The following RBPJ variants were observed in gnomAD, a reference collection of about 807,000 sequenced individuals.
RBPJ encodes recombining binding protein suppressor of hairless.
Under a neutral mutation model 67.8 loss-of-function variants are expected in RBPJ, and 9 were observed. The ratio of observed to expected loss-of-function variants is 0.13; its 90% CI spans 0.08 to 0.23. The LOEUF (loss-of-function observed/expected upper bound fraction) is 0.23, where lower values mean the gene tolerates loss of function less well. RBPJ is among the 10% of genes least tolerant of loss of function. The pLI is 1.00. For missense variants in RBPJ, 305 were observed against 595.6 expected, an observed-to-expected ratio of 0.51 and a Z score of 5.08; for synonymous variants, 198 against 203.3, an observed-to-expected ratio of 0.97 and a Z score of 0.22.
chr4:26,314,283 G>A (rs1437654087), intron 1 of RBPJ, among the ~76,000 whole-genome samples: 1 of 152,002 alleles, frequency 6.6e-6, no homozygotes, highest in Non-Finnish European at 1.5e-5. Context: ...TTTGTTACCA[G>A]TATTTTTTTT....
chr4:26,371,295 A>C (rs981138718), intron 1 of RBPJ, among the ~76,000 whole-genome samples: 32 of 152,206 alleles, frequency 2.1e-4, no homozygotes, highest in African/African-American at 6.8e-4. Context: ...TTAACAGATG[A>C]CTTGCTATTA....
At chr4:26,200,038 T>C (rs1717926571) in intron 1 of RBPJ, among the ~76,000 whole-genome samples, 1 of 152,110 alleles carries the variant, frequency 6.6e-6, no homozygotes, top group South Asian at 2.1e-4. Context: ...CCACGTTGAG[T>C]TCTGCCAGTT....
chr4:26,106,241 T>C, the RBPJ span, among the ~76,000 whole-genome samples: 2 of 152,228 alleles, frequency 1.3e-5, no homozygotes, highest in Non-Finnish European at 2.9e-5. Flanking sequence ...CAAACAGTAT[T>C]TTCCAGGCTA....
intron 1 of RBPJ, among the ~76,000 whole-genome samples, chr4:26,376,805 ATTG>A (rs1729794012): frequency 6.6e-6 from 1 of 152,050 alleles, no homozygotes; most frequent in Admixed American, 6.5e-5. Context: ...CTTTATTGTT[ATTG>A]TTGTTTTTTG....
At chr4:26,420,810 A>G in intron 5 of RBPJ, 85 bp downstream of exon 5, 1 of 1,083,808 alleles carries the variant, frequency 9.2e-7, no homozygotes, top group Non-Finnish European at 1.3e-6. Context: ...TTGCCTTTTC[A>G]ATAGCCAATT....
intron 1 of RBPJ, among the ~76,000 whole-genome samples, chr4:26,369,673 G>A (rs528226246): frequency 2.5e-4 from 38 of 152,238 alleles, no homozygotes; most frequent in African/African-American, 8.7e-4. Context: ...CATATTTGGG[G>A]CTGACCAGAT....
chr4:26,287,703 AAGAAAG>A (rs1442207967), intron 1 of RBPJ, among the ~76,000 whole-genome samples: 7 of 90,536 alleles, frequency 7.7e-5, no homozygotes, highest in African/African-American at 4.5e-4. Flanking sequence ...GAGGGAAGAA[AAGAAAG>A]AGAAAGAAAG....
chr4:26,157,090 C>CAAAA, the RBPJ span, among the ~76,000 whole-genome samples: 4 of 41,748 alleles, frequency 9.6e-5, no homozygotes, highest in Non-Finnish European at 1.7e-4. Flanking sequence ...AACAAACAAA[C>CAAAA]AAACAAACAA....
At chr4:26,147,926 C>T in the RBPJ span, among the ~76,000 whole-genome samples, 1 of 152,198 alleles carries the variant, frequency 6.6e-6, no homozygotes, top group African/African-American at 2.4e-5. Context: ...CTGACCAGCG[C>T]ATCAACATCT....
chr4:26,234,849 C>A (rs1239724483), intron 1 of RBPJ, among the ~76,000 whole-genome samples: 2 of 152,020 alleles, frequency 1.3e-5, no homozygotes, highest in Admixed American at 6.6e-5. Context: ...CATGCCACCA[C>A]GCCCAGCTAA....
upstream of RBPJ, among the ~76,000 whole-genome samples, chr4:26,159,663 A>C (rs1312819917): frequency 1.3e-5 from 2 of 152,214 alleles, no homozygotes; most frequent in Non-Finnish European, 2.9e-5. Flanking sequence ...ATGAATTTCC[A>C]AGAGGAAGAT....
Position 26,261,547 on chromosome 4 carries a change from T to A in RBPJ, c.-167+97933T>A, listed in dbSNP as rs555296757. ...AGTGGTCAGGCCCCCTTTGGGTTAT[T>A]AAAATTATTCCAAATGAAATCAGTT... On this transcript the variant is annotated intron_variant, in intron 1 of 4. Transcript: ENST00000512351. Among the ~76,000 whole-genome samples the A allele has an allele frequency of 1.6e-4, 24 of 152,328 alleles. No individual in the cohort carries two copies. In the South Asian group the frequency reaches 4.8e-3, roughly 30 times the overall value.
chr4:26,334,430 C>T (rs1376850176), intron 1 of RBPJ, among the ~76,000 whole-genome samples: 1 of 151,840 alleles, frequency 6.6e-6, no homozygotes, highest in Non-Finnish European at 1.5e-5. Flanking sequence ...ATTCTGTATA[C>T]ATCCTGTGTG....
At chr4:26,204,662 G>A (rs145556780) in intron 1 of RBPJ, among the ~76,000 whole-genome samples, 165 of 152,292 alleles carry the variant, frequency 1.1e-3, no homozygotes, top group African/African-American at 3.7e-3. Flanking sequence ...TCAGCAGTGG[G>A]ACACACGAGG....
chr4:26,243,972 G>A (rs985127367), intron 1 of RBPJ, among the ~76,000 whole-genome samples: 1 of 151,846 alleles, frequency 6.6e-6, no homozygotes. Flanking sequence ...GTGCTTACCT[G>A]TAGTTCCAGC....
Position 26,362,501 on chromosome 4 carries a change from A to C in RBPJ, c.21-23852A>C, listed in dbSNP as rs183084832. On this transcript the variant is annotated intron_variant, in intron 1 of 10. Transcript: ENST00000355476. ...GGAAGCATTATAGTTCTTCGGAACC[A>C]TTATGATCTCAAAACGAAAGGAGAA... 76 of 1,548,052 alleles carry C rather than the reference A, an allele frequency of 4.9e-5. No homozygotes were observed. In the East Asian group the frequency reaches 1.6e-3, roughly 34 times the overall value.
chr4:26,152,105 A>T, the RBPJ span, among the ~76,000 whole-genome samples: 1,724 of 152,308 alleles, frequency 0.011, 30 homozygotes, highest in African/African-American at 0.04. Context: ...GGCTCAGAAT[A>T]AATAGCTGGC....
In RBPJ at chr4:26,304,944, CT is replaced by C. The variant is rs551065913; in HGVS notation, c.-166-57501del. Reference sequence around the variant, plus strand: ...AATCCAAGATTATGAAGATTTACCCCTATACTGTCTTCTATGAGTTTTATAG... The same window carrying C: ...AATCCAAGATTATGAAGATTTACCCCATACTGTCTTCTATGAGTTTTATAG... On this transcript the variant is annotated intron_variant, in intron 1 of 4. Coordinates refer to the RBPJ transcript ENST00000512351. Among the ~76,000 whole-genome samples the C allele has an allele frequency of 1.7e-3, 265 of 152,176 alleles. 1 individual carries two copies. Among genetic ancestry groups the C allele is most frequent in the Middle Eastern group, 0.01 (3 of 294 alleles).
rs185623996 is a variant in RBPJ at position 26,184,550 on chromosome 4, A to G, written c.-167+20936A>G. ...ACTGACTTAGTAGGATTCTTGCTCAAACTGGATTCTACAAGGACAGAAAGA... is the reference window on the plus strand; with the variant it reads ...ACTGACTTAGTAGGATTCTTGCTCAGACTGGATTCTACAAGGACAGAAAGA... On this transcript the variant is annotated intron_variant, in intron 1 of 4. Coordinates refer to the RBPJ transcript ENST00000512351. Among the ~76,000 whole-genome samples the G allele has an allele frequency of 1.2e-3, 190 of 152,210 alleles. 2 individuals carry two copies. The highest frequency in any genetic ancestry group is 6.6e-4 in the Non-Finnish European group (45 of 68,004).
Sources: gnomAD v4.1 joint callset for allele counts (sites outside exome capture counted in the v4.1 genomes callset) on GRCh38, gnomAD v4.1.1 for gene constraint, MANE v1.5 for transcripts, NCBI Gene and HGNC (gene_info 2026-07-23, HGNC 2026-07-21) for gene names.